TAAR5: variants seen among roughly 807,000 people sequenced by gnomAD.
TAAR5 encodes trace amine associated receptor 5.
TAAR5 carries 27 observed loss-of-function variants against 21.1 expected under a neutral mutation model. That is an observed-to-expected ratio of 1.28 (90% CI 0.94 to 1.76). The LOEUF (loss-of-function observed/expected upper bound fraction) is 1.76, where lower values mean the gene tolerates loss of function less well. TAAR5 is among the 40% of genes most tolerant of loss of function. The pLI is 0.00. For missense variants in TAAR5, 495 were observed against 405.6 expected, an observed-to-expected ratio of 1.22 and a Z score of -1.89; for synonymous variants, 203 against 167.5, an observed-to-expected ratio of 1.21 and a Z score of -1.64.
At chr6:132,609,089 A>G in the TAAR5 span, 1 of 447,356 alleles carries the variant, frequency 2.2e-6, no homozygotes, top group African/African-American at 2.0e-5. Context: ...TTTGTGGGAG[A>G]GTGAAGCTGT....
At chr6:132,597,719 A>T in the TAAR5 span, among the ~76,000 whole-genome samples, 1 of 152,184 alleles carries the variant, frequency 6.6e-6, no homozygotes, top group African/African-American at 2.4e-5. Flanking sequence ...ATTGCAAACA[A>T]CCACCCATGG....
At chr6:132,592,380 A>G (rs1186971718), upstream of TAAR5, among the ~76,000 whole-genome samples, 1 of 152,310 alleles carries the variant, frequency 6.6e-6, no homozygotes, top group East Asian at 1.9e-4. Flanking sequence ...GGCAGACTTC[A>G]CTCAGGTTCA....
At chr6:132,596,607 A>T in the TAAR5 span, among the ~76,000 whole-genome samples, 2 of 152,198 alleles carry the variant, frequency 1.3e-5, no homozygotes, top group African/African-American at 2.4e-5. Context: ...TAACATTATG[A>T]CATGTTTTAT....
chr6:132,590,685 T>A (rs1471531155), upstream of TAAR5, among the ~76,000 whole-genome samples: 1 of 152,240 alleles, frequency 6.6e-6, no homozygotes, highest in Non-Finnish European at 1.5e-5. Context: ...CCATGGGACC[T>A]AGTTTGCACT....
At chr6:132,616,410 A>T in the TAAR5 span, among the ~76,000 whole-genome samples, 1 of 152,212 alleles carries the variant, frequency 6.6e-6, no homozygotes, top group South Asian at 2.1e-4. Context: ...CAGAACACCA[A>T]ATAGCAATAC....
the TAAR5 span, among the ~76,000 whole-genome samples, chr6:132,597,753 G>C: frequency 1.3e-5 from 2 of 152,086 alleles, no homozygotes; most frequent in African/African-American, 4.8e-5. Context: ...TTTCTTCTAG[G>C]AGGCAGAAAG....
the TAAR5 span, among the ~76,000 whole-genome samples, chr6:132,596,668 T>A: frequency 5.9e-5 from 9 of 152,314 alleles, no homozygotes; most frequent in South Asian, 6.2e-4. Flanking sequence ...GGGTTTTTTT[T>A]AAATACCAAT....
the TAAR5 span, among the ~76,000 whole-genome samples, chr6:132,605,369 C>T: frequency 6.6e-5 from 10 of 152,102 alleles, no homozygotes; most frequent in East Asian, 1.9e-3. Flanking sequence ...TCAATGTCTA[C>T]CTTAATGAAT....
chr6:132,589,595 A>C lies in TAAR5; in HGVS notation c.92T>G (p.Leu31Arg). The stretch of plus-strand genomic sequence containing the variant: ...CAGGTAGATGACCAACTGGATGCCC[A>C]GAGTATGTACTGTCCTGGGGCAAGA... ...NGSCPRTVHT[L>R]GIQLVIYLAC... The change falls in exon 1 of 1, where the codon CTG becomes CGG. Residue 31 changes from leucine to arginine, a missense_variant. Physicochemically the swap from Leu to Arg is moderately radical, Grantham distance 102 (BLOSUM62 -2). Coordinates refer to ENST00000258034, the MANE Select transcript of TAAR5 (RefSeq NM_003967.3). The C allele has an allele frequency of 6.2e-7, 1 of 1,614,042 alleles. No homozygotes were observed. Among genetic ancestry groups the C allele is most frequent in the Non-Finnish European group, 8.5e-7 (1 of 1,179,978 alleles).
chr6:132,600,076 T>C, the TAAR5 span, among the ~76,000 whole-genome samples: 9 of 152,082 alleles, frequency 5.9e-5, no homozygotes, highest in African/African-American at 2.2e-4. Context: ...GAAGTAGTGG[T>C]TGAATTATCA....
At chr6:132,594,687 C>T (rs1015480115), upstream of TAAR5, 1 of 152,094 alleles carries the variant, frequency 6.6e-6, no homozygotes, top group African/African-American at 2.4e-5. Flanking sequence ...TTAGAGGATG[C>T]CTTTTTTTTT....
At chr6:132,592,635 G>A (rs1030485725), upstream of TAAR5, among the ~76,000 whole-genome samples, 4 of 152,278 alleles carry the variant, frequency 2.6e-5, no homozygotes, top group South Asian at 6.2e-4. Context: ...GAGTTATCAT[G>A]AGATCTAGTT....
upstream of TAAR5, chr6:132,594,262 C>T (rs1336921579): frequency 6.6e-6 from 1 of 152,102 alleles, no homozygotes; most frequent in Non-Finnish European, 1.5e-5. Context: ...TCTATAACTC[C>T]TACCTAGATG....
chr6:132,589,912 T>C (rs959217956), upstream of TAAR5, among the ~76,000 whole-genome samples: 6 of 152,156 alleles, frequency 3.9e-5, no homozygotes, highest in African/African-American at 1.4e-4. Flanking sequence ...CAAGGTTTCA[T>C]GAGAGTTACT....
the TAAR5 span, among the ~76,000 whole-genome samples, chr6:132,615,481 A>G: frequency 5.3e-5 from 8 of 152,174 alleles, no homozygotes; most frequent in Admixed American, 1.3e-4. Context: ...CACAAATATG[A>G]AAAAAATTAA....
chr6:132,600,474 A>G, the TAAR5 span, among the ~76,000 whole-genome samples: 2 of 152,176 alleles, frequency 1.3e-5, no homozygotes, highest in African/African-American at 2.4e-5. Flanking sequence ...TGAACTCCCC[A>G]ATCGGCCATG....
the TAAR5 span, among the ~76,000 whole-genome samples, chr6:132,607,573 T>G: frequency 1.3e-5 from 2 of 152,036 alleles, no homozygotes; most frequent in African/African-American, 4.8e-5. Flanking sequence ...CCAAGCAGAT[T>G]AAGATTCTAG....
chr6:132,599,630 A>G, the TAAR5 span, among the ~76,000 whole-genome samples: 1 of 152,164 alleles, frequency 6.6e-6, no homozygotes, highest in African/African-American at 2.4e-5. Context: ...CTCCCAGCCC[A>G]AAGCTTGCTC....
At chr6:132,616,150 A>G in the TAAR5 span, among the ~76,000 whole-genome samples, 14 of 152,316 alleles carry the variant, frequency 9.2e-5, no homozygotes, top group Non-Finnish European at 1.6e-4. Context: ...AAATGTATAT[A>G]CCATGGAAAT....
Sources: gnomAD v4.1 joint callset for allele counts (sites outside exome capture counted in the v4.1 genomes callset) on GRCh38, gnomAD v4.1.1 for gene constraint, MANE v1.5 for transcripts, NCBI Gene and HGNC (gene_info 2026-07-23, HGNC 2026-07-21) for gene names.